PPM1L: variants seen among roughly 807,000 people sequenced by gnomAD.
PPM1L encodes protein phosphatase, Mg2+/Mn2+ dependent 1L, also known as protein phosphatase 1L.
In PPM1L, 13 loss-of-function variants were observed where a neutral mutation model predicts 31.4. The observed-to-expected ratio is 0.41, with a 90% CI of 0.27 to 0.66. The LOEUF is 0.66. Ranked by LOEUF, PPM1L falls within the 30% of genes least tolerant of loss-of-function variation. The pLI is 0.29. For synonymous variants in PPM1L, 184 were observed against 175.4 expected (o/e 1.05, Z -0.39); for missense variants, 326 against 453.7 (o/e 0.72, Z 2.56).
At position 160,862,662 on chromosome 3, in the gene PPM1L, G is replaced by GCACACACACACA. The variant is rs6148164; in HGVS notation, c.400-99043_400-99032dup. Among the ~76,000 whole-genome samples, 76 of 127,214 alleles carry GCACACACACACA rather than the reference G, an allele frequency of 6.0e-4. 1 individual carries two copies. The highest frequency in any genetic ancestry group is 2.7e-3 in the East Asian group (12 of 4,424). The allele number at this position is 127,214 out of a possible 152,430, so 83.5% of individuals were successfully genotyped here. The stretch of plus-strand genomic sequence containing the variant: ...TCTCCATTCCTAATCCTAGGCACAC[G>GCACACACACACA]CACACACACACACACACACACACAC... On this transcript the variant is annotated intron_variant, in intron 1 of 3. Coordinates refer to ENST00000498165, the MANE Select transcript of PPM1L (RefSeq NM_139245.4).
chr3:160,841,603 A>G (rs1241607326), intron 1 of PPM1L, among the ~76,000 whole-genome samples: 2 of 152,158 alleles, frequency 1.3e-5, no homozygotes, highest in Non-Finnish European at 2.9e-5. Context: ...ACTTTCTTAT[A>G]ATTCTTTTCT....
chr3:160,930,984 A>C (rs890830251), intron 1 of PPM1L, among the ~76,000 whole-genome samples: 1 of 152,186 alleles, frequency 6.6e-6, no homozygotes, highest in Non-Finnish European at 1.5e-5. Flanking sequence ...AGTGAATTTT[A>C]AGGTACATTT....
rs71628432 is a variant in PPM1L, at chr3:160,870,866, CAAT to C, written c.400-90858_400-90856del. On this transcript the variant is annotated intron_variant, in intron 1 of 3. Transcript: ENST00000498165. ...TGGTTTTAGCTCTTGGCAAATCATG[CAAT>C]AATAATAATAAAAGAGAAGACGGCT... Among the ~76,000 whole-genome samples the C allele has an allele frequency of 8.1e-3, 1,237 of 152,102 alleles. 7 individuals carry two copies. The highest frequency in any genetic ancestry group is 0.055 in the Middle Eastern group (16 of 292).
intron 1 of PPM1L, among the ~76,000 whole-genome samples, chr3:160,845,317 A>C (rs1714042980): frequency 6.6e-6 from 1 of 152,088 alleles, no homozygotes; most frequent in South Asian, 2.1e-4. Context: ...ATGCCTATTC[A>C]GAGTCTTTGT....
intron 2 of PPM1L, among the ~76,000 whole-genome samples, chr3:161,020,998 G>T (rs984096642): frequency 4.0e-5 from 6 of 151,494 alleles, no homozygotes; most frequent in Non-Finnish European, 5.9e-5. Flanking sequence ...CAACTTTGGT[G>T]ATCTTTTTTA....
At chr3:161,011,076 C>T (rs1314579583) in intron 2 of PPM1L, among the ~76,000 whole-genome samples, 4 of 152,172 alleles carry the variant, frequency 2.6e-5, no homozygotes, top group Non-Finnish European at 4.4e-5. Flanking sequence ...GTGTTTCAGA[C>T]GTGAAGTCCT....
rs115009133 is a variant in PPM1L, at chr3:160,841,696, C to T, written c.399+84989C>T. Among the ~76,000 whole-genome samples, 322 of 152,300 alleles carry T rather than the reference C, an allele frequency of 2.1e-3. 1 individual carries two copies. The highest frequency in any genetic ancestry group is 3.7e-3 in the Non-Finnish European group (249 of 68,020). On this transcript the variant is annotated intron_variant, in intron 1 of 3. Transcript: ENST00000498165. ...CTACTTGCCGCTATTAAACTTATTA[C>T]TGCCTTTTCCAGTGGGTGCAAATAA...
chr3:161,024,993 C>G (rs1718337459), intron 2 of PPM1L, among the ~76,000 whole-genome samples: 1 of 152,144 alleles, frequency 6.6e-6, no homozygotes. Flanking sequence ...AATAAGCATG[C>G]CTTAGTTTGT....
chr3:160,954,808 G>C (rs1431318312), intron 1 of PPM1L, among the ~76,000 whole-genome samples: 1 of 151,788 alleles, frequency 6.6e-6, no homozygotes, highest in African/African-American at 2.4e-5. Flanking sequence ...CTATATTGTT[G>C]CTTTTGCCCT....
chr3:160,844,899 T>C (rs1402943286), intron 1 of PPM1L, among the ~76,000 whole-genome samples: 1 of 152,052 alleles, frequency 6.6e-6, no homozygotes, highest in Non-Finnish European at 1.5e-5. Flanking sequence ...TTATGCTCTA[T>C]TTCTCCCCAT....
intron 2 of PPM1L, among the ~76,000 whole-genome samples, chr3:160,997,948 C>T (rs890054250): frequency 6.6e-6 from 1 of 152,070 alleles, no homozygotes; most frequent in Non-Finnish European, 1.5e-5. Context: ...CCAAGTACCA[C>T]ATGAAGCAGG....
chr3:160,860,356 T>C (rs1443069885), intron 1 of PPM1L, among the ~76,000 whole-genome samples: 4 of 152,160 alleles, frequency 2.6e-5, no homozygotes, highest in African/African-American at 9.7e-5. Flanking sequence ...CCACATTTAT[T>C]GTCCTAAAAA....
rs4571273 is a variant in PPM1L, at chr3:161,039,444, C to T, written c.575-25959C>T. On this transcript the variant is annotated intron_variant, in intron 2 of 3. Coordinates refer to ENST00000498165, the MANE Select transcript of PPM1L (RefSeq NM_139245.4). ...AGGAGGGGGCGTGTATTTTTTCATC[C>T]GAAGCTGTTCTAGTGTTGGAACTTT... 6.3e-3 allele frequency among the ~76,000 whole-genome samples: 952 copies of T among 152,260 alleles called. 9 individuals are homozygous for T. The highest frequency in any genetic ancestry group is 0.022 in the African/African-American group (905 of 41,554).
At chr3:160,891,438 A>G (rs752017970) in intron 1 of PPM1L, among the ~76,000 whole-genome samples, 7 of 152,184 alleles carry the variant, frequency 4.6e-5, no homozygotes, top group South Asian at 2.1e-4. Context: ...AATCAAAACC[A>G]TAATGAGATA....
At chr3:160,797,881 C>T (rs902759997) in intron 1 of PPM1L, among the ~76,000 whole-genome samples, 1 of 152,154 alleles carries the variant, frequency 6.6e-6, no homozygotes, top group Non-Finnish European at 1.5e-5. Context: ...ATCTCTACAA[C>T]GTGAAAGTGC....
At chr3:161,057,807 A>G (rs1052286341) in intron 2 of PPM1L, among the ~76,000 whole-genome samples, 2 of 151,664 alleles carry the variant, frequency 1.3e-5, no homozygotes, top group African/African-American at 4.8e-5. Context: ...CAACACTGAA[A>G]CCTGATGTCA....
At chr3:161,035,210 T>TA (rs63163360) in intron 2 of PPM1L, among the ~76,000 whole-genome samples, 14,071 of 139,890 alleles carry the variant, frequency 0.1, 923 homozygotes, top group African/African-American at 0.2. Flanking sequence ...AAAGTATAAT[T>TA]AAAAAAAAAA....
chr3:160,994,540 C>T (rs2108046553), intron 2 of PPM1L, among the ~76,000 whole-genome samples: 1 of 152,302 alleles, frequency 6.6e-6, no homozygotes, highest in African/African-American at 2.4e-5. Context: ...TCCAGGTTGG[C>T]CACTCCCAAG....
At chr3:161,056,865 C>A (rs141661695) in intron 2 of PPM1L, among the ~76,000 whole-genome samples, 1,990 of 151,986 alleles carry the variant, frequency 0.013, 39 homozygotes, top group African/African-American at 0.044. Flanking sequence ...AGTTCAAGAC[C>A]AACCTGGACA....
Sources: allele counts gnomAD v4.1 joint callset (sites outside exome capture counted in the v4.1 genomes callset), GRCh38; gene constraint gnomAD v4.1.1; transcripts MANE v1.5; gene names NCBI Gene and HGNC (gene_info 2026-07-23, HGNC 2026-07-21).